The following PTPRD variants were observed in gnomAD, a reference collection of about 807,000 sequenced individuals.
PTPRD encodes receptor-type tyrosine-protein phosphatase delta.
A neutral mutation model predicts 214.5 loss-of-function variants in PTPRD; 34 were observed. The ratio of observed to expected loss-of-function variants is 0.16; its 90% CI spans 0.12 to 0.21. The LOEUF (loss-of-function observed/expected upper bound fraction) is 0.21, where lower values mean the gene tolerates loss of function less well. Ranked by LOEUF, PTPRD falls within the 10% of genes least tolerant of loss-of-function variation. The pLI is 1.00. For missense variants in PTPRD, 2,545 were observed against 2,398.7 expected (o/e 1.06, Z -1.27); for synonymous variants, 1,128 against 845.7 (o/e 1.33, Z -5.79).
At position 10,289,108 on chromosome 9, in the gene PTPRD, C is replaced by T. The variant is rs190767542; in HGVS notation, c.-545+51855G>A. 3.7e-3 allele frequency among the ~76,000 whole-genome samples: 558 copies of T among 151,624 alleles called. 4 individuals carry two copies. Among genetic ancestry groups the T allele is most frequent in the African/African-American group, 0.013 (540 of 41,280 alleles). ...AGTTTCAAATTTAATGAAAAGCCTT[C>T]CAGGATGGGATGAGTATAAGAGTCT... On this transcript the variant is annotated intron_variant, in intron 3 of 45. Coordinates refer to ENST00000381196, the MANE Select transcript of PTPRD (RefSeq NM_002839.4).
At chr9:9,630,771 A>G (rs1308578364) in intron 7 of PTPRD, among the ~76,000 whole-genome samples, 4 of 152,158 alleles carry the variant, frequency 2.6e-5, no homozygotes, top group Non-Finnish European at 5.9e-5. Context: ...ATTTATTTAC[A>G]TAAATGTCTG....
chr9:10,381,076 A>G (rs1212224936), intron 2 of PTPRD, among the ~76,000 whole-genome samples: 1 of 151,886 alleles, frequency 6.6e-6, no homozygotes, highest in Non-Finnish European at 1.5e-5. Flanking sequence ...TTCAACTAAA[A>G]TATAAAATAA....
chr9:10,009,120 GC>G (rs2096546192), intron 4 of PTPRD, among the ~76,000 whole-genome samples: 1 of 151,916 alleles, frequency 6.6e-6, no homozygotes, highest in Admixed American at 6.6e-5. Flanking sequence ...TTAAATTAAT[GC>G]AATTCTGTTG....
At chr9:9,132,808 A>G (rs2099844776) in intron 10 of PTPRD, among the ~76,000 whole-genome samples, 1 of 152,210 alleles carries the variant, frequency 6.6e-6, no homozygotes, top group South Asian at 2.1e-4. Flanking sequence ...CTTGTGTGCA[A>G]AATACATAGG....
intron 11 of PTPRD, among the ~76,000 whole-genome samples, chr9:8,807,044 A>T (rs1300194108): frequency 6.6e-6 from 1 of 152,174 alleles, no homozygotes; most frequent in Non-Finnish European, 1.5e-5. Context: ...TACTGAAAGA[A>T]GTGGGAAGTA....
At position 8,871,673 on chromosome 9, in the gene PTPRD, A is replaced by G. The variant is rs574227646; in HGVS notation, c.-103-137727T>C. ...CATGATCATAGCAGTGGGAGCTGCT[A>G]TGTAAAAGGCCATGATAAGAGTGAA... On this transcript the variant is annotated intron_variant, in intron 11 of 45. Transcript: ENST00000381196. 3.3e-5 allele frequency among the ~76,000 whole-genome samples: 5 copies of G among 152,276 alleles called. No homozygotes were observed. In the East Asian group the frequency reaches 5.8e-4, roughly 18 times the overall value.
intron 11 of PTPRD, among the ~76,000 whole-genome samples, chr9:8,969,033 C>T (rs886230429): frequency 3.3e-5 from 5 of 151,880 alleles, no homozygotes; most frequent in African/African-American, 1.2e-4. Context: ...GATAGCAACT[C>T]GATTAAAAAA....
chr9:10,164,651 C>T (rs1157117955), intron 3 of PTPRD, among the ~76,000 whole-genome samples: 1 of 151,298 alleles, frequency 6.6e-6, no homozygotes, highest in Non-Finnish European at 1.5e-5. Flanking sequence ...GTTAAGTGGG[C>T]AGTTCATAAG....
intron 36 of PTPRD, among the ~76,000 whole-genome samples, chr9:8,401,278 C>T (rs2092350200): frequency 6.6e-6 from 1 of 152,066 alleles, no homozygotes. Flanking sequence ...AACCCTCCCA[C>T]CTCAGCCTCC....
chr9:9,754,107 C>G (rs377535784), intron 6 of PTPRD, among the ~76,000 whole-genome samples: 78 of 152,130 alleles, frequency 5.1e-4, no homozygotes, highest in Non-Finnish European at 9.4e-4. Flanking sequence ...TAAATATGCT[C>G]AGTAAAAACT....
At chr9:10,136,019 G>T (rs1012948605) in intron 3 of PTPRD, among the ~76,000 whole-genome samples, 2 of 151,096 alleles carry the variant, frequency 1.3e-5, no homozygotes, top group Non-Finnish European at 2.9e-5. Flanking sequence ...CCCACAGGCT[G>T]AAAGAAAAGA....
intron 8 of PTPRD, chr9:9,442,367 G>C (rs893766214): frequency 6.6e-5 from 10 of 152,192 alleles, no homozygotes; most frequent in African/African-American, 2.2e-4. Flanking sequence ...TCATTACAGA[G>C]ACAAATATCC....
chr9:8,594,085 T>C (rs1302535953), intron 14 of PTPRD, among the ~76,000 whole-genome samples: 1 of 152,224 alleles, frequency 6.6e-6, no homozygotes, highest in Non-Finnish European at 1.5e-5. Context: ...TAATATATAA[T>C]GCCCAGTAAT....
chr9:9,077,553 T>C (rs963162103), intron 10 of PTPRD, among the ~76,000 whole-genome samples: 1 of 152,094 alleles, frequency 6.6e-6, no homozygotes, highest in Non-Finnish European at 1.5e-5. Flanking sequence ...TTTATGTTTA[T>C]AGAGATCCAC....
At position 8,340,488 on chromosome 9, in the gene PTPRD, A is replaced by C; in HGVS notation, c.5127-19T>G. 6.4e-7 allele frequency: 1 copy of C among 1,552,662 alleles called. No individual in the cohort carries two copies. Among genetic ancestry groups the C allele is most frequent in the East Asian group, 2.3e-5 (1 of 44,186 alleles). ...CTGTTGTCTGAATTACAGAGAATGA[A>C]AAGAATGTGTTAAAGTATTTAGAGA... On this transcript the variant is annotated intron_variant, in intron 41 of 45. Coordinates refer to ENST00000381196, the MANE Select transcript of PTPRD (RefSeq NM_002839.4).
At chr9:9,216,249 T>C (rs928675226) in intron 9 of PTPRD, among the ~76,000 whole-genome samples, 8 of 152,142 alleles carry the variant, frequency 5.3e-5, no homozygotes, top group African/African-American at 1.4e-4. Flanking sequence ...GCCTGGAATA[T>C]AGACACAACA....
intron 12 of PTPRD, among the ~76,000 whole-genome samples, chr9:8,644,637 G>C (rs1048220383): frequency 2.6e-5 from 4 of 152,162 alleles, no homozygotes; most frequent in African/African-American, 7.2e-5. Context: ...AAGTTTCCAG[G>C]TGCCACTGCA....
At chr9:10,119,741 G>A (rs1209941829) in intron 3 of PTPRD, among the ~76,000 whole-genome samples, 1 of 151,918 alleles carries the variant, frequency 6.6e-6, no homozygotes, top group Non-Finnish European at 1.5e-5. Flanking sequence ...ATCGTCTTCT[G>A]TTAGAACAAA....
intron 2 of PTPRD, among the ~76,000 whole-genome samples, chr9:10,572,568 G>C (rs967168431): frequency 6.6e-6 from 1 of 152,112 alleles, no homozygotes; most frequent in East Asian, 1.9e-4. Context: ...ATAGCATAAA[G>C]CTGTCAGCAT....
Sources: allele counts gnomAD v4.1 joint callset (sites outside exome capture counted in the v4.1 genomes callset), GRCh38; gene constraint gnomAD v4.1.1; transcripts MANE v1.5; gene names NCBI Gene and HGNC (gene_info 2026-07-23, HGNC 2026-07-21).